PCDHGA3: variants seen among roughly 807,000 people sequenced by gnomAD.
PCDHGA3 encodes the protein protocadherin gamma-A3.
A neutral mutation model predicts 58.5 loss-of-function variants in PCDHGA3; 40 were observed. That is an observed-to-expected ratio of 0.68 (90% confidence interval 0.53 to 0.89). The LOEUF is 0.89. Among genes scored for constraint, PCDHGA3 ranks in the 40% least tolerant of loss-of-function variants. The pLI is 0.00. For missense variants in PCDHGA3, 1,223 were observed against 1,195.9 expected, an observed-to-expected ratio of 1.02 and a Z score of -0.33; for synonymous variants, 530 against 525.7, an observed-to-expected ratio of 1.01 and a Z score of -0.11.
In PCDHGA3 at chr5:141,412,148, C is replaced by T. The variant is rs183538712; in HGVS notation, c.2424+65691C>T. ...GGACTTTGGCCTCTGATACAAACTG[C>T]CTAAGAGAAGAGATTATTTATACTG... On this transcript the variant is annotated intron_variant, in intron 1 of 3. Coordinates refer to ENST00000253812, the MANE Select transcript of PCDHGA3 (RefSeq NM_018916.4). The T allele has an allele frequency of 3.1e-4, 47 of 152,220 alleles. 2 individuals carry two copies. The highest frequency in any genetic ancestry group is 1.1e-3 in the African/African-American group (45 of 41,552). The allele number at this position is 152,220 out of a possible 1,614,324, so 9.4% of individuals were successfully genotyped here.
chr5:141,389,321 G>T (rs570682726), intron 1 of PCDHGA3: 1 of 1,613,982 alleles, frequency 6.2e-7, no homozygotes. Context: ...ATCCGGACTT[G>T]GGGCCCAACG....
chr5:141,438,583 CATACATACATATATAT>C (rs1183800202), intron 1 of PCDHGA3, among the ~76,000 whole-genome samples: 1 of 57,610 alleles, frequency 1.7e-5, no homozygotes, highest in African/African-American at 9.0e-5. Context: ...TACATACATA[CATACATACATATATAT>C]ATATATATAT....
In PCDHGA3 at chr5:141,415,739, GGTTTTT is replaced by G; in HGVS notation, c.2424+69283_2424+69288del. On this transcript the variant is annotated intron_variant, in intron 1 of 3. Coordinates refer to ENST00000253812, the MANE Select transcript of PCDHGA3 (RefSeq NM_018916.4). ...ATGAGTAGAATTTGATGTTTATTAA[GGTTTTT>G]TTTTTTTTTTTTTTTTTTTTTTTTT... is the stretch of plus-strand genomic sequence containing the variant. 1.4e-4 allele frequency: 59 copies of G among 434,890 alleles called. 1 individual carries two copies. The African/African-American group carries it at 1.6e-3, about 12-fold the overall frequency. The allele number at this position is 434,890 out of a possible 1,614,324, so 26.9% of individuals were successfully genotyped here.
chr5:141,351,719 A>G (rs1758798899), intron 1 of PCDHGA3: 1 of 1,613,794 alleles, frequency 6.2e-7, no homozygotes, highest in Non-Finnish European at 8.5e-7. Flanking sequence ...CTCCTACTCT[A>G]TTCTGGCCAG....
chr5:141,383,903 TC>T lies in PCDHGA3; in HGVS notation c.2424+37447del, dbSNP rs769022323. On this transcript the variant is annotated intron_variant, in intron 1 of 3. Transcript: ENST00000253812. ...AGTCTGACAAAGGCAAAAGTACTGA[TC>T]ACAGTTTTAGATGTAAATGATAATG... The T allele has an allele frequency of 8.9e-5, 144 of 1,613,802 alleles. 1 individual carries two copies. The highest frequency in any genetic ancestry group is 1.1e-4 in the Non-Finnish European group (134 of 1,179,876).
In PCDHGA3 at chr5:141,476,714, C is replaced by G. The variant is rs146188020; in HGVS notation, c.2425-18093C>G. 3.1e-6 allele frequency: 5 copies of G among 1,614,036 alleles called. No individual in the cohort carries two copies. Among genetic ancestry groups the G allele is most frequent in the African/African-American group, 2.7e-5 (2 of 74,938 alleles). ...CAAGTACGCGGAGCTGGTGTTGGAGCGCGCCCTGGACCGAGAACGGGAGCC... is the reference window on the plus strand; with the variant it reads ...CAAGTACGCGGAGCTGGTGTTGGAGGGCGCCCTGGACCGAGAACGGGAGCC... On this transcript the variant is annotated intron_variant, in intron 1 of 3. Transcript: ENST00000253812. This position sits in a 1 kb window ranked among gnomAD's most constrained non-coding sequence, Gnocchi z 7.6.
intron 1 of PCDHGA3, among the ~76,000 whole-genome samples, chr5:141,358,001 G>A (rs1489024342): frequency 6.6e-6 from 1 of 152,098 alleles, no homozygotes; most frequent in East Asian, 1.9e-4. Flanking sequence ...ACCAGTCTGG[G>A]CAACATGGTG....
At chr5:141,496,021 G>T (rs1011612662) in intron 2 of PCDHGA3, among the ~76,000 whole-genome samples, 2 of 151,336 alleles carry the variant, frequency 1.3e-5, no homozygotes, top group African/African-American at 4.9e-5. Flanking sequence ...TTTTCTCTGA[G>T]CCTCTGTCTC....
intron 2 of PCDHGA3, among the ~76,000 whole-genome samples, chr5:141,499,010 AAGG>A (rs2099788390): frequency 6.6e-6 from 1 of 151,098 alleles, no homozygotes; most frequent in Non-Finnish European, 1.5e-5. Context: ...GGAAGGAAGG[AAGG>A]AAGGAAGGAA....
In PCDHGA3 at chr5:141,431,628, A is replaced by C. The variant is rs1204083567; in HGVS notation, c.2425-63179A>C. Reference sequence around the variant, plus strand: ...CGGTATGTGGACGACAAGGCGGCCCAAGTTTTCAAACTAGATTGTAATTCA... The same window carrying C: ...CGGTATGTGGACGACAAGGCGGCCCCAGTTTTCAAACTAGATTGTAATTCA... On this transcript the variant is annotated intron_variant, in intron 1 of 3. Coordinates refer to ENST00000253812, the MANE Select transcript of PCDHGA3 (RefSeq NM_018916.4). The surrounding 1 kb of genome is among the most constrained non-coding windows in gnomAD (Gnocchi z 4.8). 1 of 1,614,256 alleles carries C rather than the reference A, an allele frequency of 6.2e-7. No individual in the cohort carries two copies. The highest frequency in any genetic ancestry group is 8.5e-7 in the Non-Finnish European group (1 of 1,180,050).
intron 1 of PCDHGA3, chr5:141,355,055 C>A (rs916093092): frequency 2.3e-5 from 28 of 1,224,238 alleles, no homozygotes; most frequent in Non-Finnish European, 2.8e-5. Context: ...AAAGCACTGG[C>A]TCTGGAGCTT....
At chr5:141,409,617 C>A (rs2095293168) in intron 1 of PCDHGA3, 1 of 1,613,748 alleles carries the variant, frequency 6.2e-7, no homozygotes, top group South Asian at 1.1e-5. Context: ...GCCTCCATTG[C>A]GCAAGTGAGC....
intron 1 of PCDHGA3, chr5:141,361,341 C>T (rs1561523324): frequency 6.2e-7 from 1 of 1,613,988 alleles, no homozygotes; most frequent in Non-Finnish European, 8.5e-7. Context: ...AGAACTATTA[C>T]AAACTAGTGA....
chr5:141,465,043 T>C (rs1404714692), intron 1 of PCDHGA3, among the ~76,000 whole-genome samples: 2 of 152,030 alleles, frequency 1.3e-5, no homozygotes, highest in Non-Finnish European at 2.9e-5. Context: ...CAAATGACCC[T>C]ATATATTTTT....
chr5:141,489,896 C>T lies in PCDHGA3; in HGVS notation c.2425-4911C>T, dbSNP rs765318875. 3 of 1,614,180 alleles carry T rather than the reference C, an allele frequency of 1.9e-6. No homozygotes were observed. The highest frequency in any genetic ancestry group is 1.3e-5 in the African/African-American group (1 of 75,066). On this transcript the variant is annotated intron_variant, in intron 1 of 3. Coordinates refer to ENST00000253812, the MANE Select transcript of PCDHGA3 (RefSeq NM_018916.4). The surrounding 1 kb of genome is among the most constrained non-coding windows in gnomAD (Gnocchi z 4.5). ...GTGCTTACTGCTGTGGATGGGGGGA[C>T]CCCAGCCCGCTCAGGGACCACCCTT...
chr5:141,388,937 C>T, intron 1 of PCDHGA3: 1 of 1,613,964 alleles, frequency 6.2e-7, no homozygotes, highest in Non-Finnish European at 8.5e-7. Context: ...AGTCTCTACC[C>T]AACCTAATTA....
intron 1 of PCDHGA3, chr5:141,392,740 G>A: frequency 1.4e-6 from 2 of 1,435,578 alleles, no homozygotes. Context: ...CATCTCCATA[G>A]CTGCGGCAAG....
chr5:141,416,759 C>T (rs1045872662), intron 1 of PCDHGA3: 2 of 152,130 alleles, frequency 1.3e-5, no homozygotes, highest in African/African-American at 4.8e-5. Flanking sequence ...TTAGGTAGAT[C>T]TCTTAATTTT....
Position 141,489,880 on chromosome 5 carries a change from G to A in PCDHGA3, c.2425-4927G>A. On this transcript the variant is annotated intron_variant, in intron 1 of 3. Transcript: ENST00000253812. The surrounding 1 kb of genome is among the most constrained non-coding windows in gnomAD (Gnocchi z 4.5). Reference sequence around the variant, plus strand: ...GGCAAGACATCAGCTGGTGCTTACTGCTGTGGATGGGGGGACCCCAGCCCG... The same window carrying A: ...GGCAAGACATCAGCTGGTGCTTACTACTGTGGATGGGGGGACCCCAGCCCG... 2 of 1,614,230 alleles carry A rather than the reference G, an allele frequency of 1.2e-6. No individual in the cohort carries two copies. The highest frequency in any genetic ancestry group is 1.7e-6 in the Non-Finnish European group (2 of 1,180,026).
Sources: allele counts gnomAD v4.1 joint callset (sites outside exome capture counted in the v4.1 genomes callset), GRCh38; gene constraint gnomAD v4.1.1; non-coding constraint Gnocchi (gnomAD v3.1); transcripts MANE v1.5; gene names NCBI Gene and HGNC (gene_info 2026-07-23, HGNC 2026-07-21).